USP6NL: variants seen among roughly 807,000 people sequenced by gnomAD.
The protein encoded by USP6NL is USP6 N-terminal like.
USP6NL carries 26 observed loss-of-function variants against 61.9 expected under a neutral mutation model. The ratio of observed to expected loss-of-function variants is 0.42; its 90% CI spans 0.31 to 0.58. The LOEUF (loss-of-function observed/expected upper bound fraction) is 0.58. Among genes scored for constraint, USP6NL ranks in the 20% least tolerant of loss-of-function variants. The probability of loss-of-function intolerance (pLI) is 0.16; values close to 1 mark genes in which losing one functional copy is unlikely to be tolerated. For synonymous variants in USP6NL, 432 were observed against 390.1 expected, an observed-to-expected ratio of 1.11 and a Z score of -1.27; for missense variants, 1,114 against 1,034.3, an observed-to-expected ratio of 1.08 and a Z score of -1.06.
intron 6 of USP6NL, among the ~76,000 whole-genome samples, chr10:11,509,091 C>T (rs1482167111): frequency 6.6e-6 from 1 of 152,164 alleles, no homozygotes; most frequent in Non-Finnish European, 1.5e-5. Context: ...ACAAACTCAA[C>T]GCAAGGCAAA....
rs1317569753 is a variant in USP6NL at position 11,527,692 on chromosome 10, CAAATA to C, written c.5-130_5-126del. The C allele has an allele frequency of 4.8e-6, 4 of 841,434 alleles. No individual in the cohort carries two copies. The South Asian group carries it at 5.4e-5, about 11-fold the overall frequency. The allele number at this position is 841,434 out of a possible 1,614,324, so 52.1% of individuals were successfully genotyped here. A position where few individuals can be genotyped will look rare whatever the true frequency, so the allele number is the denominator to read the frequency against. ...GCCTAAAATGACAAATCAACAAAAT[CAAATA>C]AAAGGATGAGTTAAGTATTTGTAAC... On this transcript the variant is annotated intron_variant, in intron 2 of 14. Coordinates refer to ENST00000609104, the MANE Select transcript of USP6NL (RefSeq NM_014688.5).
chr10:11,469,314 T>C (rs1832622981), intron 14 of USP6NL, among the ~76,000 whole-genome samples: 1 of 152,238 alleles, frequency 6.6e-6, no homozygotes, highest in African/African-American at 2.4e-5. Flanking sequence ...AGGAAGGTGT[T>C]GACAATGTTC....
In USP6NL at chr10:11,461,271, G is replaced by A. The variant is rs1351849325; in HGVS notation, c.*1170C>T. Reference sequence around the variant, plus strand: ...GCCAAGAACTTGAATTTGTTTCAATGAAAAAAAGATGTTCAAAAGCATGAA... The same window carrying A: ...GCCAAGAACTTGAATTTGTTTCAATAAAAAAAAGATGTTCAAAAGCATGAA... On this transcript the variant is annotated 3_prime_UTR_variant, in exon 15 of 15. Transcript: ENST00000609104. 2.0e-5 allele frequency: 3 copies of A among 151,246 alleles called. No homozygotes were observed. The highest frequency in any genetic ancestry group is 6.6e-5 in the Admixed American group (1 of 15,166). 9.4% of individuals were successfully genotyped at this position (151,246 alleles called of 1,614,324 possible).
rs974126053 is a variant in USP6NL, at chr10:11,602,215, T to C, written c.-83-4498A>G. On this transcript the variant is annotated intron_variant, in intron 1 of 14. Transcript: ENST00000609104. The surrounding 1 kb of genome is among the most constrained non-coding windows in gnomAD (Gnocchi z 4.8). ...CAACGAGCAACGTATTTAACGCAAC[T>C]TTCTCATCAAGTCAGAAAGAAAAAA... 6.6e-6 allele frequency among the ~76,000 whole-genome samples: 1 copy of C among 152,224 alleles called. No individual in the cohort carries two copies. Among genetic ancestry groups the C allele is most frequent in the South Asian group, 2.1e-4 (1 of 4,826 alleles).
At chr10:11,508,969 TG>T (rs1387827107) in intron 6 of USP6NL, among the ~76,000 whole-genome samples, 1 of 152,246 alleles carries the variant, frequency 6.6e-6, no homozygotes, top group Non-Finnish European at 1.5e-5. Context: ...TTAACAGCTT[TG>T]GAAAACTTCT....
At chr10:11,534,206 C>A (rs1350148846) in intron 2 of USP6NL, among the ~76,000 whole-genome samples, 2 of 152,238 alleles carry the variant, frequency 1.3e-5, no homozygotes, top group Non-Finnish European at 2.9e-5. Flanking sequence ...CCATCACTGA[C>A]CTTCTTGCTC....
chr10:11,589,358 A>G lies in USP6NL; in HGVS notation c.4+8273T>C, dbSNP rs1838083806. Among the ~76,000 whole-genome samples the G allele has an allele frequency of 6.6e-6, 1 of 152,208 alleles. No homozygotes were observed. Among genetic ancestry groups the G allele is most frequent in the Non-Finnish European group, 1.5e-5 (1 of 68,036 alleles). On this transcript the variant is annotated intron_variant, in intron 2 of 14. Coordinates refer to ENST00000609104, the MANE Select transcript of USP6NL (RefSeq NM_014688.5). The surrounding 1 kb of genome is among the most constrained non-coding windows in gnomAD (Gnocchi z 4.7). ...AATTGTCAAAAGTAAACAGTTTGCA[A>G]TGCTCTTCCAACACTGGTAATAGCT...
rs943826231 is a variant in USP6NL, at chr10:11,537,360, C to T, written c.5-9793G>A. On this transcript the variant is annotated intron_variant, in intron 2 of 14. Coordinates refer to ENST00000609104, the MANE Select transcript of USP6NL (RefSeq NM_014688.5). This position sits in a 1 kb window ranked among gnomAD's most constrained non-coding sequence, Gnocchi z 5.1. ...CTCCTGGGCTGGGGCAATCCACCCACCTTGGCCTCCCAAAGTGCTACGATT... is the reference window on the plus strand; with the variant it reads ...CTCCTGGGCTGGGGCAATCCACCCATCTTGGCCTCCCAAAGTGCTACGATT... 2.0e-5 allele frequency among the ~76,000 whole-genome samples: 3 copies of T among 151,780 alleles called. No individual in the cohort carries two copies. Among genetic ancestry groups the T allele is most frequent in the Admixed American group, 2.0e-4 (3 of 15,220 alleles).
At position 11,495,786 on chromosome 10, in the gene USP6NL, C is replaced by T. The variant is rs1179969064; in HGVS notation, c.385-2558G>A. On this transcript the variant is annotated intron_variant, in intron 7 of 14. Coordinates refer to ENST00000609104, the MANE Select transcript of USP6NL (RefSeq NM_014688.5). This position sits in a 1 kb window ranked among gnomAD's most constrained non-coding sequence, Gnocchi z 4.6. ...AAGCTGCTTTCTTCATTTGCTTCCA[C>T]TTGTCTTTCACGTTAGCTCCCTTCT... 6.6e-6 allele frequency among the ~76,000 whole-genome samples: 1 copy of T among 152,228 alleles called. No homozygotes were observed. Among genetic ancestry groups the T allele is most frequent in the Non-Finnish European group, 1.5e-5 (1 of 68,036 alleles).
In USP6NL at chr10:11,552,005, A is replaced by G. The variant is rs1376017255; in HGVS notation, c.5-24438T>C. On this transcript the variant is annotated intron_variant, in intron 2 of 14. Coordinates refer to ENST00000609104, the MANE Select transcript of USP6NL (RefSeq NM_014688.5). The stretch of plus-strand genomic sequence containing the variant: ...GGTGCATATTTCCACTAAAGTAAAT[A>G]ATATAGTATTTATATATTCATCTTA... Among the ~76,000 whole-genome samples the G allele has an allele frequency of 3.9e-5, 6 of 152,190 alleles. No homozygotes were observed. The East Asian group carries it at 1.2e-3, about 29-fold the overall frequency.
At position 11,537,434 on chromosome 10, in the gene USP6NL, A is replaced by G. The variant is rs751761522; in HGVS notation, c.5-9867T>C. Among the ~76,000 whole-genome samples the G allele has an allele frequency of 2.0e-5, 3 of 152,168 alleles. No homozygotes were observed. Among genetic ancestry groups the G allele is most frequent in the Admixed American group, 6.5e-5 (1 of 15,276 alleles). On this transcript the variant is annotated intron_variant, in intron 2 of 14. Coordinates refer to ENST00000609104, the MANE Select transcript of USP6NL (RefSeq NM_014688.5). The surrounding 1 kb of genome is among the most constrained non-coding windows in gnomAD (Gnocchi z 5.1). The stretch of plus-strand genomic sequence containing the variant: ...GCCTACTCCTCTAGTTTAAGTATGC[A>G]TTATCTGATACAATCAAAGTGTTCA...
chr10:11,493,718 G>T (rs1287974950), intron 7 of USP6NL, among the ~76,000 whole-genome samples: 1 of 152,208 alleles, frequency 6.6e-6, no homozygotes, highest in Admixed American at 6.5e-5. Context: ...AGTAGAGTAG[G>T]TGTTCCACCA....
rs2096218753 is a variant in USP6NL, at chr10:11,462,526, C to A, written c.2402G>T (p.Gly801Val). 3.1e-6 allele frequency: 5 copies of A among 1,613,844 alleles called. No homozygotes were observed. The highest frequency in any genetic ancestry group is 3.4e-6 in the Non-Finnish European group (4 of 1,179,896). Reference sequence around the variant, plus strand: ...AGGCGGGGGCCCTGAATATGGATATCCAGATGGACTGGCATCTTCTGCGGC... The same window carrying A: ...AGGCGGGGGCCCTGAATATGGATATACAGATGGACTGGCATCTTCTGCGGC... ...SPAAEDASPS[G>V]YPYSGPPPPA... Residue 801 changes from glycine (G) to valine (V), a missense_variant, in exon 15 of 15, where the codon GGA becomes GTA. Transcript: ENST00000609104.
chr10:11,567,137 G>A (rs894888289), intron 2 of USP6NL, among the ~76,000 whole-genome samples: 8 of 152,146 alleles, frequency 5.3e-5, no homozygotes, highest in African/African-American at 1.7e-4. Context: ...TGGGGGAGGG[G>A]AAAGAATGGT....
chr10:11,516,234 A>T (rs1218971107), intron 5 of USP6NL, among the ~76,000 whole-genome samples: 1 of 152,190 alleles, frequency 6.6e-6, no homozygotes, highest in Non-Finnish European at 1.5e-5. Flanking sequence ...TGCCTTATGT[A>T]AAATAATACA....
At chr10:11,504,367 C>G (rs1006901287) in intron 6 of USP6NL, among the ~76,000 whole-genome samples, 8 of 152,162 alleles carry the variant, frequency 5.3e-5, no homozygotes, top group African/African-American at 1.9e-4. Context: ...TGTTGATAAT[C>G]CTTCAACTGG....
chr10:11,549,962 A>G (rs1394261569), intron 2 of USP6NL, among the ~76,000 whole-genome samples: 1 of 152,204 alleles, frequency 6.6e-6, no homozygotes, highest in Non-Finnish European at 1.5e-5. Flanking sequence ...TTCTTGCTGA[A>G]AAAAGATGGT....
chr10:11,585,989 G>A lies in USP6NL; in HGVS notation c.4+11642C>T, dbSNP rs1228627939. ...AGCCTCCAGTTTTTCAAAATGAAAA[G>A]AGGTGAAGAGATTAAGGTTGCACAA... On this transcript the variant is annotated intron_variant, in intron 2 of 14. Coordinates refer to ENST00000609104, the MANE Select transcript of USP6NL (RefSeq NM_014688.5). This position sits in a 1 kb window ranked among gnomAD's most constrained non-coding sequence, Gnocchi z 4.5. Among the ~76,000 whole-genome samples the A allele has an allele frequency of 3.3e-5, 5 of 152,220 alleles. No homozygotes were observed. Among genetic ancestry groups the A allele is most frequent in the Non-Finnish European group, 5.9e-5 (4 of 68,040 alleles).
rs1477915669 is a variant in USP6NL, at chr10:11,489,039, T to C, written c.664+63A>G. 6.9e-6 allele frequency: 11 copies of C among 1,587,746 alleles called. No individual in the cohort carries two copies. In the Admixed American group the frequency reaches 1.9e-4, roughly 27 times the overall value. Reference sequence around the variant, plus strand: ...ATGTAACTCTTGCAAGCATCTTTGGTTTTGTTTTAATCTACTTTTTTCCCT... The same window carrying C: ...ATGTAACTCTTGCAAGCATCTTTGGCTTTGTTTTAATCTACTTTTTTCCCT... On this transcript the variant is annotated intron_variant, in intron 10 of 14. Transcript: ENST00000609104. This position sits in a 1 kb window ranked among gnomAD's most constrained non-coding sequence, Gnocchi z 5.7.
Sources: allele counts gnomAD v4.1 joint callset (sites outside exome capture counted in the v4.1 genomes callset), GRCh38; gene constraint gnomAD v4.1.1; non-coding constraint Gnocchi (gnomAD v3.1); transcripts MANE v1.5; gene names NCBI Gene and HGNC (gene_info 2026-07-23, HGNC 2026-07-21).